PTPRQ: variants seen among roughly 807,000 people sequenced by gnomAD.
PTPRQ encodes the protein phosphatidylinositol phosphatase PTPRQ.
In PTPRQ, 199 loss-of-function variants were observed where a neutral mutation model predicts 246.0. That is an observed-to-expected ratio of 0.81 (90% CI 0.72 to 0.91). The LOEUF (loss-of-function observed/expected upper bound fraction) is 0.91. Among genes scored for constraint, PTPRQ ranks in the 40% least tolerant of loss-of-function variants. The pLI is 0.00. For synonymous variants in PTPRQ, 869 were observed against 853.2 expected, an observed-to-expected ratio of 1.02 and a Z score of -0.32; for missense variants, 2,624 against 2,528.4, an observed-to-expected ratio of 1.04 and a Z score of -0.81.
chr12:80,482,676 C>G (rs1405616075), intron 8 of PTPRQ, among the ~76,000 whole-genome samples: 1 of 151,366 alleles, frequency 6.6e-6, no homozygotes, highest in African/African-American at 2.5e-5. Context: ...AACAAATTTA[C>G]AAGAGAAAAA....
chr12:80,648,905 G>A lies in PTPRQ; in HGVS notation c.5924G>A (p.Ser1975Asn), dbSNP rs1900164138. 1 of 1,526,392 alleles carries A rather than the reference G, an allele frequency of 6.6e-7. No homozygotes were observed. The highest frequency in any genetic ancestry group is 2.1e-5 in the Admixed American group (1 of 46,742). The allele number at this position is 1,526,392 out of a possible 1,614,324, so 94.6% of individuals were successfully genotyped here. A position where few individuals can be genotyped will look rare whatever the true frequency, so the allele number is the denominator to read the frequency against. The change falls in exon 36 of 45, where the codon AGT (serine) becomes AAT (asparagine). Residue 1975 changes from serine (S) to asparagine (N), a missense_variant. Transcript: ENST00000644991. ...LKDERLTRLL[S>N]YRKSIKPISK... ...CACAATCTCTATTGCAGGTTACTTA[G>A]TTATAGAAAATCCATCAAGTAAGTT...
chr12:80,487,576 G>A (rs1192415759), intron 9 of PTPRQ, among the ~76,000 whole-genome samples: 3 of 152,008 alleles, frequency 2.0e-5, no homozygotes, highest in Admixed American at 1.3e-4. Flanking sequence ...TGTCTTTTTG[G>A]ATAATGGAAC....
At chr12:80,484,362 A>G in intron 8 of PTPRQ, 71 bp from the exon 9 acceptor site, 1 of 1,465,774 alleles carries the variant, frequency 6.8e-7, no homozygotes, top group Non-Finnish European at 9.1e-7. Context: ...CTAAGAATTT[A>G]GGCACTTTTT....
At position 80,472,034 on chromosome 12, in the gene PTPRQ, C is replaced by T. The variant is rs142094595; in HGVS notation, c.1040-71C>T. 245 of 1,523,830 alleles carry T rather than the reference C, an allele frequency of 1.6e-4. 3 individuals are homozygous for T. The African/African-American group carries it at 3.0e-3, about 19-fold the overall frequency. 94.4% of individuals were successfully genotyped at this position (1,523,830 alleles called of 1,614,324 possible). A position where few individuals can be genotyped will look rare whatever the true frequency, so the allele number is the denominator to read the frequency against. On this transcript the variant is annotated intron_variant, in intron 7 of 44. Transcript: ENST00000644991. ...AACACTTGAATTGTTGTCTTTGGCT[C>T]TGTACTTAAATGTGAACATGATTGC...
At chr12:80,456,464 A>G (rs1892985298) in intron 3 of PTPRQ, among the ~76,000 whole-genome samples, 1 of 152,198 alleles carries the variant, frequency 6.6e-6, no homozygotes, top group Admixed American at 6.5e-5. Context: ...GTCAATATGT[A>G]CACATTCAGA....
rs1289197078 is a variant in PTPRQ at position 80,496,516 on chromosome 12, A to T, written c.2257A>T (p.Arg753Trp). The T allele has an allele frequency of 6.5e-7, 1 of 1,534,214 alleles. No individual in the cohort carries two copies. The highest frequency in any genetic ancestry group is 1.4e-5 in the African/African-American group (1 of 69,272). ...TCAGGTATCTTCTTTACTCTCTGTAAGGACTTCGGAGACTGGTGAGCTTTT... is the reference window on the plus strand; with the variant it reads ...TCAGGTATCTTCTTTACTCTCTGTATGGACTTCGGAGACTGGTGAGCTTTT... ...GNQVSSLLSVRTSETVPDSAP... is the reference protein window; with the variant it reads ...GNQVSSLLSVWTSETVPDSAP... Residue 753 changes from arginine (R) to tryptophan (W), a missense_variant, in exon 14 of 45, where the codon AGG (arginine) becomes TGG (tryptophan). By Grantham distance (101) the Arg-to-Trp change is moderately radical (BLOSUM62 -3). Transcript: ENST00000644991.
chr12:80,611,169 T>A (rs1248484127), intron 28 of PTPRQ, among the ~76,000 whole-genome samples: 1 of 150,396 alleles, frequency 6.6e-6, no homozygotes, highest in African/African-American at 2.4e-5. Context: ...ACAGATTTCC[T>A]CAAGTTCTTA....
chr12:80,472,240 C>T lies in PTPRQ; in HGVS notation c.1175C>T (p.Thr392Ile), dbSNP rs923384477. 1 of 1,551,416 alleles carries T rather than the reference C, an allele frequency of 6.4e-7. No individual in the cohort carries two copies. Among genetic ancestry groups the T allele is most frequent in the Non-Finnish European group, 8.7e-7 (1 of 1,146,896 alleles). Reference sequence around the variant, plus strand: ...CCCAAGTCAAATATTTCAGTATTCACTCCACCAGATGGTAAGAACATAGGG... The same window carrying T: ...CCCAAGTCAAATATTTCAGTATTCATTCCACCAGATGGTAAGAACATAGGG... Reference protein sequence around the residue: ...TGPKSNISVFTPPDVPGAVFD... With the variant: ...TGPKSNISVFIPPDVPGAVFD... The change falls in exon 8 of 45, where the codon ACT becomes ATT. Residue 392 changes from threonine (T) to isoleucine (I), a missense_variant. Physicochemically the swap from Thr to Ile is moderately conservative, Grantham distance 89 (BLOSUM62 -1). Coordinates refer to ENST00000644991, the MANE Select transcript of PTPRQ (RefSeq NM_001145026.2).
chr12:80,608,990 C>T (rs542946568), intron 27 of PTPRQ, among the ~76,000 whole-genome samples: 2 of 150,724 alleles, frequency 1.3e-5, no homozygotes, highest in Non-Finnish European at 3.0e-5. Flanking sequence ...GCATATATTC[C>T]TGATCAATAG....
chr12:80,449,413 C>A (rs1892670389), intron 3 of PTPRQ, among the ~76,000 whole-genome samples: 1 of 152,084 alleles, frequency 6.6e-6, no homozygotes, highest in African/African-American at 2.4e-5. Flanking sequence ...TCTTTTGTTG[C>A]CATTGCTTTT....
At chr12:80,584,014 C>T (rs1436859468) in intron 25 of PTPRQ, 1 of 152,216 alleles carries the variant, frequency 6.6e-6, no homozygotes, top group East Asian at 1.9e-4. Flanking sequence ...GAATCCATCT[C>T]TTTAAAGCTT....
At chr12:80,499,292 T>C (rs1301594239) in intron 14 of PTPRQ, among the ~76,000 whole-genome samples, 2 of 152,052 alleles carry the variant, frequency 1.3e-5, no homozygotes, top group Non-Finnish European at 2.9e-5. Flanking sequence ...TCTGGTTCTC[T>C]GTCCTAAGTT....
At chr12:80,613,562 A>G in intron 28 of PTPRQ, 30 bp from the exon 29 acceptor site, 3 of 1,466,056 alleles carry the variant, frequency 2.0e-6, no homozygotes. Context: ...CAATATTTTT[A>G]AAAATTAATT....
At chr12:80,643,535 A>C (rs28424874) in intron 35 of PTPRQ, among the ~76,000 whole-genome samples, 26,534 of 152,114 alleles carry the variant, frequency 0.17, 3,187 homozygotes, top group African/African-American at 0.33. Context: ...ATGGGTTAGG[A>C]TATTTTAAAT....
At chr12:80,498,567 C>G (rs1252065813) in intron 14 of PTPRQ, among the ~76,000 whole-genome samples, 1 of 152,034 alleles carries the variant, frequency 6.6e-6, no homozygotes, top group Non-Finnish European at 1.5e-5. Flanking sequence ...GAATCCAAAC[C>G]CATCTGACTG....
chr12:80,515,765 G>GTCTTCAAA (rs1394788946), intron 17 of PTPRQ, among the ~76,000 whole-genome samples: 1 of 135,598 alleles, frequency 7.4e-6, no homozygotes, highest in African/African-American at 2.7e-5. Flanking sequence ...TTTTGAGTGT[G>GTCTTCAAA]TCTTCAAAAT....
chr12:80,456,519 T>G (rs1892987151), intron 3 of PTPRQ, among the ~76,000 whole-genome samples: 1 of 152,154 alleles, frequency 6.6e-6, no homozygotes, highest in Non-Finnish European at 1.5e-5. Context: ...ATTAAAAATT[T>G]TTAATGTGCT....
chr12:80,509,171 A>G (rs1305881860), intron 16 of PTPRQ, among the ~76,000 whole-genome samples: 1 of 152,088 alleles, frequency 6.6e-6, no homozygotes, highest in Non-Finnish European at 1.5e-5. Flanking sequence ...GAAAATACCA[A>G]ATACAGCTAT....
intron 26 of PTPRQ, among the ~76,000 whole-genome samples, chr12:80,599,020 T>C (rs1489952935): frequency 1.3e-5 from 2 of 151,966 alleles, no homozygotes; most frequent in Non-Finnish European, 2.9e-5. Flanking sequence ...TTGTTGATTC[T>C]TAAACAAAGT....
Sources: gnomAD v4.1 joint callset for allele counts (sites outside exome capture counted in the v4.1 genomes callset) on GRCh38, gnomAD v4.1.1 for gene constraint, MANE v1.5 for transcripts, NCBI Gene and HGNC (gene_info 2026-07-23, HGNC 2026-07-21) for gene names.